Variants in RNF25 observed in about 807,000 individuals in gnomAD.
The protein encoded by RNF25 is ring finger protein 25.
In RNF25, 32 loss-of-function variants were observed where a neutral mutation model predicts 65.0. The ratio of observed to expected loss-of-function variants is 0.49; its 90% CI spans 0.37 to 0.66. The LOEUF is 0.66. Ranked by LOEUF, RNF25 falls within the 30% of genes least tolerant of loss-of-function variation. The probability of loss-of-function intolerance (pLI) is 0.00; values close to 1 mark genes in which losing one functional copy is unlikely to be tolerated. For synonymous variants in RNF25, 207 were observed against 221.2 expected (o/e 0.94, Z 0.57); for missense variants, 493 against 584.8 (o/e 0.84, Z 1.62).
At chr2:218,666,123 C>G (rs575871936) in intron 6 of RNF25, 36 bp downstream of exon 6, 2 of 1,612,252 alleles carry the variant, frequency 1.2e-6, no homozygotes, top group South Asian at 1.1e-5. Context: ...TCTGCTGGTC[C>G]CAAACAGAAT....
chr2:218,667,970 ACCTGTAAGAT>A lies in RNF25; in HGVS notation c.289_298del (p.Ile97CysfsTer74). On this transcript the variant is annotated frameshift_variant and splice_region_variant, in exon 5 of 10. Transcript: ENST00000295704. LOFTEE classifies it high-confidence loss of function. ...CCCAGCCTTGGCCACGTGGCCCAGC[ACCTGTAAGAT>A]CCTGGAGGAAGAGGGCAAACCAAAT... is the stretch of plus-strand genomic sequence containing the variant. 1 of 1,614,206 alleles carries A rather than the reference ACCTGTAAGAT, an allele frequency of 6.2e-7. No individual in the cohort carries two copies. The highest frequency in any genetic ancestry group is 1.1e-5 in the South Asian group (1 of 91,080).
Position 218,667,904 on chromosome 2 carries a change from C to A in RNF25, c.357+8G>T. 1.2e-6 allele frequency: 2 copies of A among 1,613,460 alleles called. No individual in the cohort carries two copies. Among genetic ancestry groups the A allele is most frequent in the Non-Finnish European group, 1.7e-6 (2 of 1,179,458 alleles). ...AAAGAACATATCTCAGACTAGCGCA[C>A]CTCTTACCTCAATGAGTTCATACAG... On this transcript the variant is annotated splice_region_variant and intron_variant, in intron 5 of 9. Coordinates refer to ENST00000295704, the MANE Select transcript of RNF25 (RefSeq NM_022453.3).
chr2:218,668,331 ATGG>A lies in RNF25; in HGVS notation c.124_126del (p.Pro42del). 1 of 1,403,530 alleles carries A rather than the reference ATGG, an allele frequency of 7.1e-7. No homozygotes were observed. The highest frequency in any genetic ancestry group is 9.5e-7 in the Non-Finnish European group (1 of 1,048,692). The allele number at this position is 1,403,530 out of a possible 1,614,324, so 86.9% of individuals were successfully genotyped here. ...GGATGCAAAGTGATGTAGATCTCCC[ATGG>A]TGAAGTTCTGCAGGTGGATCAAGTG... On this transcript the variant is annotated inframe_deletion, in exon 3 of 10. Transcript: ENST00000295704.
intron 1 of RNF25, among the ~76,000 whole-genome samples, chr2:218,669,415 C>T (rs1442267767): frequency 1.3e-5 from 2 of 152,228 alleles, no homozygotes; most frequent in East Asian, 1.9e-4. Context: ...TCTGGGCTAT[C>T]GTAGCTAGTC....
rs1575114127 is a variant in RNF25 at position 218,666,160 on chromosome 2, T to A, written c.428A>T (p.Gln143Leu). The change falls in exon 6 of 10, where the codon CAG becomes CTG. Residue 143 changes from glutamine to leucine, a missense_variant and splice_region_variant. Coordinates refer to ENST00000295704, the MANE Select transcript of RNF25 (RefSeq NM_022453.3). ...GQCVICLYGF[Q>L]EKEAFTKTPC... ...CCAGGTCCCAAGAGAGAAACCCACC[T>A]GGAAACCATAGAGGCAGATGACACA... 6.2e-7 allele frequency: 1 copy of A among 1,613,946 alleles called. No individual in the cohort carries two copies. The highest frequency in any genetic ancestry group is 2.2e-5 in the East Asian group (1 of 44,876).
Position 218,671,945 on chromosome 2 carries a change from G to A in RNF25, c.26C>T (p.Ala9Val), listed in dbSNP as rs534831838. 4 of 1,614,208 alleles carry A rather than the reference G, an allele frequency of 2.5e-6. No individual in the cohort carries two copies. The highest frequency in any genetic ancestry group is 1.1e-5 in the South Asian group (1 of 91,090). ...CCAAAGTTACCAGTCCTCCTCCCCT[G>A]CAGCTGCAGACGCAGACGCCGCCAT... MAASASAA[A>V]GEEDWVLPSE... is the part of the protein sequence containing the mutation. The change falls in exon 1 of 10, where the codon GCA becomes GTA. Residue 9 changes from alanine to valine, a missense_variant. Physicochemically the swap from Ala to Val is moderately conservative, Grantham distance 64 (BLOSUM62 0). This residue lies in a region of RNF25 where 34 missense variants were observed against 18.6 expected (regional missense o/e 1.83). Transcript: ENST00000295704.
At chr2:218,665,696 T>C (rs1043543535) in intron 7 of RNF25, among the ~76,000 whole-genome samples, 3 of 151,536 alleles carry the variant, frequency 2.0e-5, no homozygotes, top group Non-Finnish European at 2.9e-5. Context: ...TGAGCCAAGA[T>C]TGTGCTACTG....
At chr2:218,667,891 T>G in intron 5 of RNF25, 21 bp downstream of exon 5, 1 of 1,610,014 alleles carries the variant, frequency 6.2e-7, no homozygotes. Context: ...AGAACATATC[T>G]CAGACTAGCG....
chr2:218,671,652 G>A (rs936394794), intron 1 of RNF25, among the ~76,000 whole-genome samples: 17 of 152,180 alleles, frequency 1.1e-4, no homozygotes, highest in Non-Finnish European at 5.9e-5. Context: ...TTGAGGAGGA[G>A]AGAAAGGGAT....
At position 218,664,608 on chromosome 2, in the gene RNF25, A is replaced by G; in HGVS notation, c.802-73T>C. On this transcript the variant is annotated intron_variant, in intron 9 of 9. Coordinates refer to ENST00000295704, the MANE Select transcript of RNF25 (RefSeq NM_022453.3). The surrounding 1 kb of genome is among the most constrained non-coding windows in gnomAD (Gnocchi z 5.1). ...GTGGGGAACTACAGGCCCCTCTCCTACTATCTGGGCTGACCACGATCAGCC... is the reference window on the plus strand; with the variant it reads ...GTGGGGAACTACAGGCCCCTCTCCTGCTATCTGGGCTGACCACGATCAGCC... The G allele has an allele frequency of 1.3e-6, 2 of 1,576,348 alleles. No homozygotes were observed. The highest frequency in any genetic ancestry group is 3.4e-5 in the Admixed American group (2 of 58,362).
At position 218,664,753 on chromosome 2, in the gene RNF25, T is replaced by A; in HGVS notation, c.787A>T (p.Ile263Phe). ...DLEAERNRYF[I>F]SLQQPPAPAE... is the part of the protein sequence containing the mutation. ...CCTTCCCTCACCTGCTGAAGGCTGA[T>A]GAAGTATCGGTTTCGCTCAGCCTCA... Residue 263 changes from isoleucine (I) to phenylalanine (F), a missense_variant, in exon 9 of 10, where the codon ATC (isoleucine) becomes TTC (phenylalanine). Ile to Phe is a conservative substitution (Grantham distance 21). Around this residue, in one of 3 missense-constraint regions of RNF25, gnomAD observed 351 missense variants for 400.2 expected, o/e 0.88. Transcript: ENST00000295704. The surrounding 1 kb of genome is among the most constrained non-coding windows in gnomAD (Gnocchi z 5.1). The A allele has an allele frequency of 6.2e-7, 1 of 1,614,240 alleles. No individual in the cohort carries two copies. The highest frequency in any genetic ancestry group is 8.5e-7 in the Non-Finnish European group (1 of 1,180,036).
chr2:218,664,634 TATC>T lies in RNF25; in HGVS notation c.801+102_802-100del. 6.3e-7 allele frequency: 1 copy of T among 1,575,636 alleles called. No individual in the cohort carries two copies. The highest frequency in any genetic ancestry group is 8.7e-7 in the Non-Finnish European group (1 of 1,154,648). On this transcript the variant is annotated intron_variant, in intron 9 of 9. Transcript: ENST00000295704. The surrounding 1 kb of genome is among the most constrained non-coding windows in gnomAD (Gnocchi z 5.1). ...CTATCTGGGCTGACCACGATCAGCC[TATC>T]ATCTTCCTGGTTAGAACAAAGCTCA...
At position 218,663,998 on chromosome 2, in the gene RNF25, G is replaced by C; in HGVS notation, c.1339C>G (p.Arg447Gly). 1 of 1,465,028 alleles carries C rather than the reference G, an allele frequency of 6.8e-7. No individual in the cohort carries two copies. The highest frequency in any genetic ancestry group is 2.5e-5 in the Admixed American group (1 of 40,494). 90.8% of individuals were successfully genotyped at this position (1,465,028 alleles called of 1,614,324 possible). A position where few individuals can be genotyped will look rare whatever the true frequency, so the allele number is the denominator to read the frequency against. The change falls in exon 10 of 10, where the codon CGG becomes GGG. Residue 447 changes from arginine (R) to glycine (G), a missense_variant. Arg to Gly is a moderately radical substitution (Grantham distance 125). This residue lies in a region of RNF25 where 351 missense variants were observed against 400.2 expected (regional missense o/e 0.88). Transcript: ENST00000295704. ...GATTCCAGGCCCAGGGACTCCCTCC[G>C]AGTACCAGGCCGGTATGCTCCCTGG... is the stretch of plus-strand genomic sequence containing the variant. ...RGQGAYRPGT[R>G]RESLGLESKD...
At chr2:218,671,806 C>T (rs1380535367) in intron 1 of RNF25, 124 bp downstream of exon 1, 7 of 1,024,866 alleles carry the variant, frequency 6.8e-6, no homozygotes, top group Non-Finnish European at 1.0e-5. Context: ...GAGATGTCAG[C>T]ATCTCTGCCA....
intron 5 of RNF25, among the ~76,000 whole-genome samples, chr2:218,667,227 T>A (rs555609313): frequency 1.5e-4 from 23 of 152,110 alleles, no homozygotes; most frequent in African/African-American, 5.5e-4. Flanking sequence ...AAACTGTACT[T>A]AATTTTATAT....
At chr2:218,671,087 C>T (rs984588475) in intron 1 of RNF25, among the ~76,000 whole-genome samples, 3 of 152,136 alleles carry the variant, frequency 2.0e-5, no homozygotes, top group Non-Finnish European at 4.4e-5. Context: ...GCAGAAGGAT[C>T]ACCTGAGCCT....
rs1458155174 is a variant in RNF25, at chr2:218,664,801, C to T, written c.739G>A (p.Glu247Lys). 18 of 1,614,288 alleles carry T rather than the reference C, an allele frequency of 1.1e-5. No homozygotes were observed. In the South Asian group the frequency reaches 1.2e-4, roughly 11 times the overall value. The part of the protein sequence containing the change: ...ERKRLYQRQQ[E>K]RGGIIDLEAE... ...TCAAGGTCAATGATTCCCCCCCGCTCCTGCTGCCTCTGGTAGAGCCGCTTG... is the reference window on the plus strand; with the variant it reads ...TCAAGGTCAATGATTCCCCCCCGCTTCTGCTGCCTCTGGTAGAGCCGCTTG... Residue 247 changes from glutamate (E) to lysine (K), a missense_variant, in exon 9 of 10, where the codon GAG becomes AAG. This residue lies in a region of RNF25 where 351 missense variants were observed against 400.2 expected (regional missense o/e 0.88). Transcript: ENST00000295704. This position sits in a 1 kb window ranked among gnomAD's most constrained non-coding sequence, Gnocchi z 5.1.
At chr2:218,668,205 T>A in intron 3 of RNF25, 34 bp downstream of exon 3, 1 of 1,611,600 alleles carries the variant, frequency 6.2e-7, no homozygotes, top group South Asian at 1.1e-5. Context: ...ACTCTCCCCT[T>A]CCTCCCTTTG....
At chr2:218,665,546 C>A (rs953655018) in intron 7 of RNF25, among the ~76,000 whole-genome samples, 3 of 151,980 alleles carry the variant, frequency 2.0e-5, no homozygotes, top group African/African-American at 7.2e-5. Flanking sequence ...AGTTTGAGAC[C>A]AGCCTGGCCA....
Sources: gnomAD v4.1 joint callset for allele counts (sites outside exome capture counted in the v4.1 genomes callset) on GRCh38, gnomAD v4.1.1 for gene constraint, gnomAD v4.1.1 regional missense constraint, Gnocchi (gnomAD v3.1) non-coding constraint, MANE v1.5 for transcripts, NCBI Gene and HGNC (gene_info 2026-07-23, HGNC 2026-07-21) for gene names.